Variants in CPNE4 observed in about 807,000 individuals in gnomAD.
CPNE4 encodes the protein copine 4.
In CPNE4, 25 loss-of-function variants were observed where a neutral mutation model predicts 67.9. The ratio of observed to expected loss-of-function variants is 0.37; its 90% CI spans 0.27 to 0.51. The LOEUF (loss-of-function observed/expected upper bound fraction) is 0.51. Among genes scored for constraint, CPNE4 ranks in the 20% least tolerant of loss-of-function variants. CPNE4 has a pLI of 0.93. For synonymous variants in CPNE4, 242 were observed against 244.9 expected, an observed-to-expected ratio of 0.99 and a Z score of 0.11; for missense variants, 464 against 690.8, an observed-to-expected ratio of 0.67 and a Z score of 3.68.
intron 1 of CPNE4, among the ~76,000 whole-genome samples, chr3:131,936,035 T>G (rs17336165): frequency 0.065 from 9,884 of 152,034 alleles, 423 homozygotes; most frequent in East Asian, 0.13. Flanking sequence ...GTTTTTTATT[T>G]TGGCAGAAAT....
At chr3:131,698,231 C>T (rs2081202865) in intron 4 of CPNE4, among the ~76,000 whole-genome samples, 1 of 15,522 alleles carries the variant, frequency 6.4e-5, no homozygotes, top group African/African-American at 2.1e-4. Context: ...AAGGCTCTGT[C>T]TCAAAAAAAA....
chr3:131,844,226 CTT>C (rs779686412), intron 2 of CPNE4, among the ~76,000 whole-genome samples: 12 of 150,274 alleles, frequency 8.0e-5, no homozygotes, highest in Non-Finnish European at 3.0e-5. Context: ...TAAAAGCACT[CTT>C]TATGAATTAG....
chr3:131,535,356 C>T (rs193182961), intron 15 of CPNE4, 27 bp from the exon 16 acceptor site: 218 of 1,598,846 alleles, frequency 1.4e-4, no homozygotes, highest in Admixed American at 3.7e-4. Flanking sequence ...ATCATCATGA[C>T]GTTGGCTTCT....
At chr3:131,553,599 C>T (rs747631530) in intron 12 of CPNE4, among the ~76,000 whole-genome samples, 1 of 152,082 alleles carries the variant, frequency 6.6e-6, no homozygotes, top group Non-Finnish European at 1.5e-5. Context: ...CAGTTGCCAA[C>T]AGCGGTAACT....
intron 1 of CPNE4, among the ~76,000 whole-genome samples, chr3:131,993,354 C>A (rs66863948): frequency 0.25 from 32,142 of 130,210 alleles, 8,975 homozygotes; most frequent in African/African-American, 0.54. Flanking sequence ...ATCTTAATTT[C>A]TTGACTAGCA....
chr3:131,979,623 T>A (rs867140070), intron 1 of CPNE4, among the ~76,000 whole-genome samples: 1 of 152,184 alleles, frequency 6.6e-6, no homozygotes, highest in Admixed American at 6.5e-5. Context: ...GGTTCGTGAC[T>A]TTTTATCCAT....
intron 7 of CPNE4, among the ~76,000 whole-genome samples, chr3:131,666,234 G>C (rs1414464702): frequency 6.9e-6 from 1 of 144,966 alleles, no homozygotes; most frequent in African/African-American, 2.6e-5. Flanking sequence ...TTTGACTTTG[G>C]AACCATGTAA....
intron 2 of CPNE4, among the ~76,000 whole-genome samples, chr3:131,795,864 C>T (rs930315243): frequency 6.6e-6 from 1 of 152,218 alleles, no homozygotes; most frequent in African/African-American, 2.4e-5. Flanking sequence ...AGCACACACT[C>T]CTGTTCCCTT....
chr3:131,980,019 G>A (rs1480609608), intron 1 of CPNE4, among the ~76,000 whole-genome samples: 1 of 152,146 alleles, frequency 6.6e-6, no homozygotes, highest in South Asian at 2.1e-4. Flanking sequence ...GCAGAAGATA[G>A]GGCCTCAATC....
At chr3:131,837,506 G>A (rs192436644) in intron 2 of CPNE4, among the ~76,000 whole-genome samples, 204 of 152,164 alleles carry the variant, frequency 1.3e-3, no homozygotes, top group Non-Finnish European at 2.4e-3. Flanking sequence ...GATGGAGAAC[G>A]GATTAGTGAT....
intron 2 of CPNE4, among the ~76,000 whole-genome samples, chr3:131,869,196 CA>C (rs553580210): frequency 6.8e-4 from 104 of 152,184 alleles, no homozygotes; most frequent in African/African-American, 2.4e-3. Flanking sequence ...AACACCTGGA[CA>C]AATCTTATCA....
At position 131,552,443 on chromosome 3, in the gene CPNE4, C is replaced by A; in HGVS notation, c.1165G>T (p.Ala389Ser). 6.2e-7 allele frequency: 1 copy of A among 1,612,420 alleles called. No individual in the cohort carries two copies. The highest frequency in any genetic ancestry group is 8.5e-7 in the Non-Finnish European group (1 of 1,178,938). Residue 389 changes from alanine (A) to serine (S), a missense_variant, in exon 13 of 16, where the codon GCA becomes TCA. Coordinates refer to ENST00000429747, the MANE Select transcript of CPNE4 (RefSeq NM_130808.3). ...TTTCTTTCACGTTGTGCTTTACCTG[C>A]ACATTCTGGGTTGTCTTCATTAAAG... ...INFNEDNPEC[A>S]GIQGVVEAYQ...
chr3:131,905,414 G>A lies in CPNE4; in HGVS notation c.30C>T (p.Ser10=), dbSNP rs780788127. 4.2e-5 allele frequency: 67 copies of A among 1,613,078 alleles called. No individual in the cohort carries two copies. Among genetic ancestry groups the A allele is most frequent in the Middle Eastern group, 1.7e-4 (1 of 6,026 alleles). The change falls in exon 2 of 16, where the codon TCC becomes TCT. Residue 10 remains serine (S), a synonymous_variant. Coordinates refer to ENST00000429747, the MANE Select transcript of CPNE4 (RefSeq NM_130808.3). Reference sequence around the variant, plus strand: ...TAAAGATTCCCAGTGTGTTGGCAGCGGACTCATAAATGTTGCTCATCTTCT... The same window carrying A: ...TAAAGATTCCCAGTGTGTTGGCAGCAGACTCATAAATGTTGCTCATCTTCT... MKKMSNIYE[S]AANTLGIFNS... is the part of the protein sequence containing the mutation.
At chr3:131,547,305 A>T (rs1935908950) in intron 14 of CPNE4, among the ~76,000 whole-genome samples, 1 of 151,916 alleles carries the variant, frequency 6.6e-6, no homozygotes, top group African/African-American at 2.4e-5. Context: ...AAATATAAAA[A>T]TTAGCTGGGC....
chr3:131,726,986 C>T (rs571539564), intron 2 of CPNE4, among the ~76,000 whole-genome samples: 2 of 152,282 alleles, frequency 1.3e-5, no homozygotes, highest in Non-Finnish European at 2.9e-5. Context: ...CTTCCCTAAT[C>T]GTGATGACTG....
chr3:132,016,206 T>C (rs146745744), intron 1 of CPNE4, among the ~76,000 whole-genome samples: 10 of 152,284 alleles, frequency 6.6e-5, no homozygotes, highest in Non-Finnish European at 1.3e-4. Flanking sequence ...ACTAGACCAC[T>C]TAACCTAGGA....
chr3:131,953,091 G>C lies in CPNE4; in HGVS notation c.-1-47647C>G, dbSNP rs894592101. Among the ~76,000 whole-genome samples, 7 of 151,984 alleles carry C rather than the reference G, an allele frequency of 4.6e-5. No individual in the cohort carries two copies. In the East Asian group the frequency reaches 1.4e-3, roughly 29 times the overall value. ...CACTCCCTGATCTCAAGTACCCAGG[G>C]ACACAAACACTGCAGAGGGCCGCAG... On this transcript the variant is annotated intron_variant, in intron 1 of 15. Transcript: ENST00000429747.
intron 6 of CPNE4, among the ~76,000 whole-genome samples, chr3:131,682,795 T>C (rs1326050022): frequency 1.3e-5 from 2 of 151,954 alleles, no homozygotes; most frequent in Admixed American, 1.3e-4. Flanking sequence ...TCGGAAACCT[T>C]AGGACTCTAC....
At chr3:132,000,016 T>C (rs1439624841) in intron 1 of CPNE4, among the ~76,000 whole-genome samples, 1 of 150,672 alleles carries the variant, frequency 6.6e-6, no homozygotes, top group Non-Finnish European at 1.5e-5. Flanking sequence ...CAACATTCAA[T>C]GTACATCTAC....
Sources: gnomAD v4.1 joint callset for allele counts (sites outside exome capture counted in the v4.1 genomes callset) on GRCh38, gnomAD v4.1.1 for gene constraint, MANE v1.5 for transcripts, NCBI Gene and HGNC (gene_info 2026-07-23, HGNC 2026-07-21) for gene names.